Variants in RER1 observed in about 807,000 individuals in gnomAD.
RER1 encodes the protein protein RER1.
A neutral mutation model predicts 28.3 loss-of-function variants in RER1; 6 were observed. The ratio of observed to expected loss-of-function variants is 0.21; its 90% CI spans 0.12 to 0.42. The LOEUF is 0.42. Among genes scored for constraint, RER1 ranks in the 10% least tolerant of loss-of-function variants. The pLI is 1.00. For synonymous variants in RER1, 110 were observed against 95.9 expected (o/e 1.15, Z -0.86); for missense variants, 159 against 252.9 (o/e 0.63, Z 2.52).
At chr1:2,392,128 T>C (rs2935277) in intron 1 of RER1, among the ~76,000 whole-genome samples, 170 bp downstream of exon 1, 58,476 of 150,272 alleles carry the variant, frequency 0.39, 12,957 homozygotes, top group East Asian at 0.68. Context: ...CCCTGAGGGG[T>C]ACGGGTCGCG....
At chr1:2,402,862 G>T (rs1364303328) in intron 6 of RER1, among the ~76,000 whole-genome samples, 173 bp from the exon 7 acceptor site, 1 of 152,200 alleles carries the variant, frequency 6.6e-6, no homozygotes, top group Non-Finnish European at 1.5e-5. Flanking sequence ...TAGGCCTCGT[G>T]GGCTGTGGAA....
At chr1:2,393,880 A>G (rs1316962899) in intron 1 of RER1, 2 of 152,192 alleles carry the variant, frequency 1.3e-5, no homozygotes, top group Admixed American at 6.5e-5. Flanking sequence ...CGTTTTGAGT[A>G]GGTTTTCTAC....
rs1642876429 is a variant in RER1, at chr1:2,402,292, G to T, written c.451G>T (p.Val151Leu). Residue 151 changes from valine (V) to leucine (L), a missense_variant, in exon 6 of 7, where the codon GTG (valine) becomes TTG (leucine). Physicochemically the swap from Val to Leu is conservative, Grantham distance 32. Coordinates refer to ENST00000605895, the MANE Select transcript of RER1 (RefSeq NM_007033.5). ...FNVPVFWPIL[V>L]MYFIMLFCIT... ...CGTCCCGGTGTTCTGGCCGATTCTGGTGATGTACTTCATCATGCTCTTCTG... is the reference window on the plus strand; with the variant it reads ...CGTCCCGGTGTTCTGGCCGATTCTGTTGATGTACTTCATCATGCTCTTCTG... 6.2e-7 allele frequency: 1 copy of T among 1,614,138 alleles called. No homozygotes were observed. Among genetic ancestry groups the T allele is most frequent in the Non-Finnish European group, 8.5e-7 (1 of 1,180,056 alleles).
In RER1 at chr1:2,402,900, G is replaced by A; in HGVS notation, c.502-135G>A. 4.3e-6 allele frequency: 3 copies of A among 705,854 alleles called. No homozygotes were observed. The East Asian group carries it at 7.6e-5, about 18-fold the overall frequency. 43.7% of individuals were successfully genotyped at this position (705,854 alleles called of 1,614,324 possible). ...TCTTGCTGTGTTGATGTGGGCGCAG[G>A]AAGCCACTGGGGCTCCGATTCCACT... On this transcript the variant is annotated intron_variant, in intron 6 of 6. Transcript: ENST00000605895.
At chr1:2,402,128 A>G in intron 5 of RER1, 79 bp from the exon 6 acceptor site, 1 of 1,613,862 alleles carries the variant, frequency 6.2e-7, no homozygotes, top group Non-Finnish European at 8.5e-7. Flanking sequence ...CGGTCGGTGC[A>G]GCTGCAAGGC....
chr1:2,400,846 C>T lies in RER1; in HGVS notation c.287-11C>T. 3 of 1,612,664 alleles carry T rather than the reference C, an allele frequency of 1.9e-6. No individual in the cohort carries two copies. The highest frequency in any genetic ancestry group is 2.5e-6 in the Non-Finnish European group (3 of 1,178,704). ...AGAGGTGCCCTCCCTGATGGTTGCTCTGCCTTACAGATGACGGTCCTTCGC... is the reference window on the plus strand; with the variant it reads ...AGAGGTGCCCTCCCTGATGGTTGCTTTGCCTTACAGATGACGGTCCTTCGC... On this transcript the variant is annotated splice_polypyrimidine_tract_variant and intron_variant, in intron 4 of 6. Transcript: ENST00000605895.
chr1:2,400,971 T>C (rs1642837086), intron 5 of RER1, 36 bp downstream of exon 5: 1 of 1,544,956 alleles, frequency 6.5e-7, no homozygotes, highest in Non-Finnish European at 9.0e-7. Flanking sequence ...AAGAGAATTG[T>C]GCTCAAGGGT....
chr1:2,402,826 C>G (rs1202477289), intron 6 of RER1, among the ~76,000 whole-genome samples: 2 of 152,204 alleles, frequency 1.3e-5, no homozygotes, highest in Non-Finnish European at 2.9e-5. Context: ...GCTCACGAAG[C>G]ACTGGGATTG....
intron 1 of RER1, 87 bp from the exon 2 acceptor site, chr1:2,395,697 C>G: frequency 1.1e-6 from 1 of 909,606 alleles, no homozygotes; most frequent in Non-Finnish European, 1.8e-6. Flanking sequence ...TGGAAGAAAC[C>G]TACTTGACAG....
At chr1:2,395,596 C>T (rs1642758122) in intron 1 of RER1, 188 bp from the exon 2 acceptor site, 4 of 585,996 alleles carry the variant, frequency 6.8e-6, no homozygotes, top group Non-Finnish European at 1.2e-5. Context: ...TCACGCTGCC[C>T]TTCCTCTCCA....
intron 2 of RER1, chr1:2,396,495 A>G (rs1016914694): frequency 6.6e-6 from 1 of 152,466 alleles, no homozygotes; most frequent in African/African-American, 2.4e-5. Context: ...AAGCTTCTAT[A>G]ATCTTTTTAC....
At chr1:2,393,497 C>T (rs1297649112) in intron 1 of RER1, among the ~76,000 whole-genome samples, 5 of 152,186 alleles carry the variant, frequency 3.3e-5, no homozygotes, top group Admixed American at 2.6e-4. Flanking sequence ...GAGGGGGCAG[C>T]TGGTGTGAGG....
In RER1 at chr1:2,399,435, T is replaced by C. The variant is rs373220511; in HGVS notation, c.207T>C (p.Tyr69=). The C allele has an allele frequency of 2.3e-5, 37 of 1,611,240 alleles. No individual in the cohort carries two copies. The highest frequency in any genetic ancestry group is 2.9e-5 in the Non-Finnish European group (34 of 1,177,452). The change falls in exon 4 of 7, where the codon TAT becomes TAC. Residue 69 remains tyrosine, a synonymous_variant. Coordinates refer to ENST00000605895, the MANE Select transcript of RER1 (RefSeq NM_007033.5). ...YLLQGWYIVT[Y]ALGIYHLNLF... ...TTCAGGGTTGGTACATTGTGACCTA[T>C]GCCTTGGGGATCTACCATCTAAATC...
Position 2,404,023 on chromosome 1 carries a change from G to A in RER1, c.*899G>A, listed in dbSNP as rs1049083026. On this transcript the variant is annotated 3_prime_UTR_variant, in exon 7 of 7. Transcript: ENST00000605895. Reference sequence around the variant, plus strand: ...AGTCTTTACCTAAAACATGGCAGTCGCTGGACACAGGAAAGCCCACCTTTT... The same window carrying A: ...AGTCTTTACCTAAAACATGGCAGTCACTGGACACAGGAAAGCCCACCTTTT... The A allele has an allele frequency of 2.0e-5, 3 of 152,236 alleles. No homozygotes were observed. The highest frequency in any genetic ancestry group is 7.2e-5 in the African/African-American group (3 of 41,446). 9.4% of individuals were successfully genotyped at this position (152,236 alleles called of 1,614,324 possible). A position where few individuals can be genotyped will look rare whatever the true frequency, so the allele number is the denominator to read the frequency against.
intron 3 of RER1, among the ~76,000 whole-genome samples, chr1:2,398,137 G>A (rs1426032978): frequency 3.3e-5 from 5 of 152,232 alleles, no homozygotes; most frequent in Admixed American, 6.5e-5. Context: ...AACCAAGCTC[G>A]TGCCTCATTT....
intron 6 of RER1, among the ~76,000 whole-genome samples, 156 bp from the exon 7 acceptor site, chr1:2,402,879 G>T (rs1237137883): frequency 6.6e-6 from 1 of 152,224 alleles, no homozygotes; most frequent in Non-Finnish European, 1.5e-5. Context: ...GGAAGGTCTT[G>T]CTGTGTTGAT....
intron 3 of RER1, among the ~76,000 whole-genome samples, chr1:2,398,538 G>A (rs1269857969): frequency 6.6e-6 from 1 of 152,150 alleles, no homozygotes; most frequent in Non-Finnish European, 1.5e-5. Flanking sequence ...ACAGGCATGT[G>A]CCACCATGCC....
rs746907390 is a variant in RER1 at position 2,400,857 on chromosome 1, A to G, written c.287A>G (p.Asp96Gly). The change falls in exon 5 of 7, where the codon GAT becomes GGT. Residue 96 changes from aspartate (D) to glycine (G), a missense_variant and splice_region_variant. Physicochemically the swap from Asp to Gly is moderately conservative, Grantham distance 94. Coordinates refer to ENST00000605895, the MANE Select transcript of RER1 (RefSeq NM_007033.5). ...CCCTGATGGTTGCTCTGCCTTACAG[A>G]TGACGGTCCTTCGCTACCCACCAAA... ...KVDPSLMEDSDDGPSLPTKQN... is the reference protein window; with the variant it reads ...KVDPSLMEDSGDGPSLPTKQN... 6.2e-7 allele frequency: 1 copy of G among 1,613,756 alleles called. No homozygotes were observed. Among genetic ancestry groups the G allele is most frequent in the Non-Finnish European group, 8.5e-7 (1 of 1,179,672 alleles).
chr1:2,404,060 T>C lies in RER1; in HGVS notation c.*936T>C, dbSNP rs1642918283. On this transcript the variant is annotated 3_prime_UTR_variant, in exon 7 of 7. Coordinates refer to ENST00000605895, the MANE Select transcript of RER1 (RefSeq NM_007033.5). ...AAAGCCCACCTTTTGTTTGGCCTTTTCGAAAGGTGACCCATATTGCACAGC... is the reference window on the plus strand; with the variant it reads ...AAAGCCCACCTTTTGTTTGGCCTTTCCGAAAGGTGACCCATATTGCACAGC... The C allele has an allele frequency of 6.6e-6, 1 of 152,254 alleles. No homozygotes were observed. Among genetic ancestry groups the C allele is most frequent in the Admixed American group, 6.5e-5 (1 of 15,282 alleles). The allele number at this position is 152,254 out of a possible 1,614,324, so 9.4% of individuals were successfully genotyped here.
Sources: allele counts gnomAD v4.1 joint callset (sites outside exome capture counted in the v4.1 genomes callset), GRCh38; gene constraint gnomAD v4.1.1; transcripts MANE v1.5; gene names NCBI Gene and HGNC (gene_info 2026-07-23, HGNC 2026-07-21).